The following ABCC11 variants were observed in gnomAD, a reference collection of about 807,000 sequenced individuals.
ABCC11 encodes ATP-binding cassette sub-family C member 11.
Under a neutral mutation model 149.3 loss-of-function variants are expected in ABCC11, and 135 were observed. The ratio of observed to expected loss-of-function variants is 0.90; its 90% CI spans 0.79 to 1.04. The LOEUF is 1.04. Ranked by LOEUF, ABCC11 falls within the 50% of genes least tolerant of loss-of-function variation. The pLI is 0.00. For synonymous variants in ABCC11, 665 were observed against 671.4 expected (o/e 0.99, Z 0.15); for missense variants, 1,680 against 1,722.1 (o/e 0.98, Z 0.43).
chr16:48,214,255 C>A (rs1969157600), intron 9 of ABCC11, among the ~76,000 whole-genome samples: 1 of 152,000 alleles, frequency 6.6e-6, no homozygotes, highest in Admixed American at 6.5e-5. Flanking sequence ...ATAGCGCCCC[C>A]AACACCCTCA....
chr16:48,199,624 TC>T (rs1967754225), intron 15 of ABCC11, among the ~76,000 whole-genome samples: 1 of 151,882 alleles, frequency 6.6e-6, no homozygotes. Flanking sequence ...CTTGGGGAAT[TC>T]TTTTCTGAGA....
In ABCC11 at chr16:48,192,562, C is replaced by T. The variant is rs148380168; in HGVS notation, c.2664G>A (p.Thr888=). The part of the protein sequence containing the change: ...VCSSGIFTKV[T]RKASTALHNK... Reference sequence around the variant, plus strand: ...TGTGCAGGGCCGTGGATGCCTTCCTCGTGACCTTGGTGAAAATCCCTGAGG... The same window carrying T: ...TGTGCAGGGCCGTGGATGCCTTCCTTGTGACCTTGGTGAAAATCCCTGAGG... Residue 888 remains threonine (T), a synonymous_variant, in exon 20 of 30, where the codon ACG becomes ACA. Coordinates refer to ENST00000356608, the MANE Select transcript of ABCC11 (RefSeq NM_001370497.1). 6.2e-6 allele frequency: 10 copies of T among 1,614,138 alleles called. No individual in the cohort carries two copies. Among genetic ancestry groups the T allele is most frequent in the South Asian group, 4.4e-5 (4 of 91,086 alleles).
In ABCC11 at chr16:48,201,006, T is replaced by C. The variant is rs567425905; in HGVS notation, c.1879-527A>G. ...GGTACCCAAAAAACATGTACAAATATTATGCATCAATAAAAATATTTTTCA... is the reference window on the plus strand; with the variant it reads ...GGTACCCAAAAAACATGTACAAATACTATGCATCAATAAAAATATTTTTCA... On this transcript the variant is annotated intron_variant, in intron 14 of 29. Coordinates refer to ENST00000356608, the MANE Select transcript of ABCC11 (RefSeq NM_001370497.1). 5.9e-5 allele frequency among the ~76,000 whole-genome samples: 9 copies of C among 152,268 alleles called. No homozygotes were observed. The East Asian group carries it at 1.7e-3, about 29-fold the overall frequency.
intron 28 of ABCC11, 95 bp downstream of exon 28, chr16:48,170,010 G>A: frequency 1.2e-6 from 1 of 865,068 alleles, no homozygotes; most frequent in Non-Finnish European, 1.9e-6. Context: ...AGAGCCCAGT[G>A]TCCCACGGTA....
chr16:48,171,361 C>A (rs191210480), intron 26 of ABCC11, among the ~76,000 whole-genome samples: 9 of 152,254 alleles, frequency 5.9e-5, no homozygotes, highest in South Asian at 4.1e-4. Flanking sequence ...GGGAGACGTG[C>A]GGAGAGATTG....
intron 1 of ABCC11, 89 bp from the exon 2 acceptor site, chr16:48,232,028 C>T: frequency 6.3e-7 from 1 of 1,576,614 alleles, no homozygotes. Context: ...AGAGGGGGCA[C>T]TACCCTGCAG....
intron 29 of ABCC11, 59 bp downstream of exon 29, chr16:48,167,437 C>A (rs1567466621): frequency 6.2e-7 from 1 of 1,608,696 alleles, no homozygotes; most frequent in East Asian, 2.2e-5. Flanking sequence ...GACTCAAAGG[C>A]ATCTGGGGTA....
At chr16:48,230,304 T>C in intron 3 of ABCC11, 133 bp downstream of exon 3, 1 of 1,127,998 alleles carries the variant, frequency 8.9e-7, no homozygotes, top group Non-Finnish European at 1.2e-6. Flanking sequence ...CTGGTGTGCC[T>C]CAGGCTGCTC....
rs763628247 is a variant in ABCC11, at chr16:48,211,118, T to C, written c.1438A>G (p.Thr480Ala). 1 of 1,614,162 alleles carries C rather than the reference T, an allele frequency of 6.2e-7. No homozygotes were observed. The highest frequency in any genetic ancestry group is 8.5e-7 in the Non-Finnish European group (1 of 1,180,026). The change falls in exon 11 of 30, where the codon ACC (threonine) becomes GCC (alanine). Residue 480 changes from threonine to alanine, a missense_variant. Transcript: ENST00000356608. ...GGACAGGTCTGTTGCCATGACAAGG[T>C]GGCCTCCTCAAAGACCAGAGCTTTG... ...PSKALVFEEA[T>A]LSWQQTCPGI...
chr16:48,165,053 T>TC (rs1318281931), downstream of ABCC11: 1 of 152,108 alleles, frequency 6.6e-6, no homozygotes, highest in Non-Finnish European at 1.5e-5. Context: ...GAGGCTGCCA[T>TC]CTGCTGGTCG....
intron 27 of ABCC11, among the ~76,000 whole-genome samples, 188 bp downstream of exon 27, chr16:48,170,701 C>T (rs903036352): frequency 6.6e-6 from 1 of 152,230 alleles, no homozygotes; most frequent in African/African-American, 2.4e-5. Flanking sequence ...CAGTGTCTGG[C>T]ACACGGTTGG....
At chr16:48,176,582 C>T (rs930468566) in intron 25 of ABCC11, among the ~76,000 whole-genome samples, 2 of 152,270 alleles carry the variant, frequency 1.3e-5, no homozygotes, top group South Asian at 2.1e-4. Flanking sequence ...ACCCTATACC[C>T]CTCAGCTTAA....
chr16:48,244,423 G>T, intron 1 of ABCC11: 1 of 1,582,344 alleles, frequency 6.3e-7, no homozygotes. Flanking sequence ...ATCCCCAGTC[G>T]CCTCCCGCTG....
chr16:48,173,177 G>A (rs1965827277), intron 26 of ABCC11, among the ~76,000 whole-genome samples: 1 of 152,200 alleles, frequency 6.6e-6, no homozygotes, highest in Non-Finnish European at 1.5e-5. Context: ...CAGTATGAGA[G>A]CCAGGCTGGC....
In ABCC11 at chr16:48,231,888, A is replaced by G. The variant is rs144934222; in HGVS notation, c.34T>C (p.Ser12Pro). The G allele has an allele frequency of 1.2e-6, 2 of 1,614,068 alleles. No individual in the cohort carries two copies. Among genetic ancestry groups the G allele is most frequent in the Admixed American group, 1.7e-5 (1 of 59,996 alleles). The change falls in exon 2 of 30, where the codon TCT (serine) becomes CCT (proline). Residue 12 changes from serine to proline, a missense_variant. Coordinates refer to ENST00000356608, the MANE Select transcript of ABCC11 (RefSeq NM_001370497.1). ...TRKRTYWVPN[S>P]SGGLVNRGID... ...CCACGATTCACGAGGCCACCAGAAGAGTTGGGCACCCAGTATGTCCTCTTC... is the reference window on the plus strand; with the variant it reads ...CCACGATTCACGAGGCCACCAGAAGGGTTGGGCACCCAGTATGTCCTCTTC...
chr16:48,214,678 C>G (rs1254510157), intron 9 of ABCC11, among the ~76,000 whole-genome samples: 1 of 152,206 alleles, frequency 6.6e-6, no homozygotes, highest in Non-Finnish European at 1.5e-5. Flanking sequence ...GCTGTCCAGC[C>G]CGCCCACAGG....
chr16:48,208,316 C>A, intron 12 of ABCC11, 109 bp downstream of exon 12: 1 of 1,207,444 alleles, frequency 8.3e-7, no homozygotes, highest in Non-Finnish European at 1.2e-6. Context: ...CCCACTTGCT[C>A]AGACCCCTGT....
At chr16:48,184,100 C>T (rs1966610175) in intron 23 of ABCC11, among the ~76,000 whole-genome samples, 1 of 152,216 alleles carries the variant, frequency 6.6e-6, no homozygotes, top group Non-Finnish European at 1.5e-5. Flanking sequence ...GCTCTGCTAA[C>T]ATGCATCTGT....
intron 11 of ABCC11, 116 bp from the exon 12 acceptor site, chr16:48,208,612 A>C: frequency 2.7e-6 from 3 of 1,094,096 alleles, no homozygotes; most frequent in Non-Finnish European, 4.0e-6. Context: ...CAAAATAACC[A>C]CACAGAGCCC....
Sources: allele counts gnomAD v4.1 joint callset (sites outside exome capture counted in the v4.1 genomes callset), GRCh38; gene constraint gnomAD v4.1.1; transcripts MANE v1.5; gene names NCBI Gene and HGNC (gene_info 2026-07-23, HGNC 2026-07-21).